ACOXL: variants seen among roughly 807,000 people sequenced by gnomAD.
The protein encoded by ACOXL is acyl-CoA oxidase like.
In ACOXL, 70 loss-of-function variants were observed where a neutral mutation model predicts 71.9. The ratio of observed to expected loss-of-function variants is 0.97; its 90% CI spans 0.80 to 1.19. ACOXL has a LOEUF of 1.19. Among genes scored for constraint, ACOXL ranks in the 50% most tolerant of loss-of-function variants. The probability of loss-of-function intolerance (pLI) is 0.00; values close to 1 mark genes in which losing one functional copy is unlikely to be tolerated. For missense variants in ACOXL, 703 were observed against 736.3 expected (o/e 0.95, Z 0.52); for synonymous variants, 253 against 281.6 (o/e 0.90, Z 1.02).
chr2:110,780,204 T>A (rs922313292), intron 2 of ACOXL, among the ~76,000 whole-genome samples: 2 of 152,224 alleles, frequency 1.3e-5, no homozygotes, highest in African/African-American at 2.4e-5. Context: ...CATATGCAAA[T>A]GTGCTCATAT....
intron 14 of ACOXL, among the ~76,000 whole-genome samples, chr2:110,998,476 A>G (rs1195492506): frequency 6.6e-6 from 1 of 152,236 alleles, no homozygotes; most frequent in East Asian, 1.9e-4. Flanking sequence ...CAGCAAGGCC[A>G]GGAGAGCTGT....
chr2:111,067,910 A>G lies in ACOXL; in HGVS notation c.1440+18622A>G, dbSNP rs148426587. On this transcript the variant is annotated intron_variant, in intron 16 of 17. Coordinates refer to ENST00000439055, the MANE Select transcript of ACOXL (RefSeq NM_001142807.4). ...GGGAAGATAAGCCCTCAGTGTCATA[A>G]GAGGTCAGTGGCCAGGGGCCAGATG... Among the ~76,000 whole-genome samples the G allele has an allele frequency of 6.6e-3, 1,000 of 152,308 alleles. 17 individuals are homozygous for G. The highest frequency in any genetic ancestry group is 0.022 in the African/African-American group (933 of 41,564).
chr2:110,858,353 G>C (rs1232524287), intron 10 of ACOXL, among the ~76,000 whole-genome samples: 1 of 152,164 alleles, frequency 6.6e-6, no homozygotes. Flanking sequence ...CCTACTCCCC[G>C]AGACAGACGT....
chr2:111,039,256 A>G (rs6706577), intron 15 of ACOXL, among the ~76,000 whole-genome samples: 80,889 of 152,090 alleles, frequency 0.53, 21,839 homozygotes, highest in African/African-American at 0.6. Flanking sequence ...ATCAGAGATC[A>G]CAAGTGCCAG....
intron 10 of ACOXL, among the ~76,000 whole-genome samples, chr2:110,872,779 T>G (rs1345708778): frequency 6.6e-6 from 1 of 152,198 alleles, no homozygotes; most frequent in Admixed American, 6.5e-5. Flanking sequence ...ACCTGGATTT[T>G]GGAATCCTTT....
intron 12 of ACOXL, among the ~76,000 whole-genome samples, chr2:110,959,115 C>A (rs1243853030): frequency 6.6e-6 from 1 of 152,224 alleles, no homozygotes; most frequent in African/African-American, 2.4e-5. Context: ...TCTTGCTTGG[C>A]TGAGTGTGAA....
chr2:110,755,607 G>A (rs1422208813), intron 1 of ACOXL, among the ~76,000 whole-genome samples: 4 of 152,214 alleles, frequency 2.6e-5, no homozygotes, highest in South Asian at 2.1e-4. Flanking sequence ...ATGATAAACC[G>A]GTGTTCAAGC....
chr2:110,943,142 G>T (rs2060945136), intron 12 of ACOXL, among the ~76,000 whole-genome samples: 1 of 107,678 alleles, frequency 9.3e-6, no homozygotes. Context: ...AAGGAAAGAA[G>T]GAAGAAAGAG....
chr2:110,860,695 A>G (rs1161876884), intron 10 of ACOXL, among the ~76,000 whole-genome samples: 1 of 152,028 alleles, frequency 6.6e-6, no homozygotes, highest in East Asian at 1.9e-4. Context: ...TCTGGCCAGA[A>G]CTCTATCCAG....
At chr2:111,115,995 AT>A (rs1330336572) in intron 17 of ACOXL, among the ~76,000 whole-genome samples, 1 of 152,138 alleles carries the variant, frequency 6.6e-6, no homozygotes, top group East Asian at 1.9e-4. Flanking sequence ...CCCATACTCT[AT>A]TTTACACTCA....
intron 9 of ACOXL, among the ~76,000 whole-genome samples, chr2:110,835,849 A>G (rs933706038): frequency 5.3e-5 from 8 of 152,106 alleles, no homozygotes; most frequent in Non-Finnish European, 1.2e-4. Flanking sequence ...GGGCCTGATA[A>G]TTTGCATTTC....
chr2:110,952,955 C>T (rs2061378697), intron 12 of ACOXL, among the ~76,000 whole-genome samples: 1 of 151,976 alleles, frequency 6.6e-6, no homozygotes, highest in Non-Finnish European at 1.5e-5. Flanking sequence ...TTTTAATTTC[C>T]ATAGTGACTT....
chr2:110,849,335 C>G (rs933029522), intron 10 of ACOXL, among the ~76,000 whole-genome samples: 1 of 152,180 alleles, frequency 6.6e-6, no homozygotes, highest in Non-Finnish European at 1.5e-5. Context: ...GAAAATGACC[C>G]CTCCCTTACT....
At chr2:111,094,217 C>G (rs775600477) in intron 17 of ACOXL, 2 of 152,128 alleles carry the variant, frequency 1.3e-5, no homozygotes, top group Admixed American at 6.5e-5. Flanking sequence ...CCCTGGAGAA[C>G]CTTGAAGAAC....
intron 10 of ACOXL, among the ~76,000 whole-genome samples, chr2:110,898,686 A>G (rs1304252719): frequency 1.3e-5 from 2 of 152,234 alleles, no homozygotes; most frequent in African/African-American, 4.8e-5. Context: ...GAGTAAGGCA[A>G]CGATGTCTGC....
chr2:110,752,165 C>CA (rs1477372680), intron 1 of ACOXL, among the ~76,000 whole-genome samples: 1 of 152,162 alleles, frequency 6.6e-6, no homozygotes, highest in Non-Finnish European at 1.5e-5. Context: ...TGTGCCACCA[C>CA]ACCTGGCTAA....
intron 17 of ACOXL, among the ~76,000 whole-genome samples, chr2:111,107,236 T>G (rs552725651): frequency 3.3e-4 from 51 of 152,292 alleles, no homozygotes; most frequent in African/African-American, 1.1e-3. Flanking sequence ...TTTTTTTAGC[T>G]CCAGTGTGGG....
At chr2:110,735,827 A>G (rs568723847) in intron 1 of ACOXL, among the ~76,000 whole-genome samples, 2 of 152,338 alleles carry the variant, frequency 1.3e-5, no homozygotes, top group Non-Finnish European at 2.9e-5. Context: ...AACATCTGAA[A>G]TGAGATAAGC....
intron 10 of ACOXL, among the ~76,000 whole-genome samples, chr2:110,890,941 G>A (rs1697857745): frequency 6.6e-6 from 1 of 151,918 alleles, no homozygotes. Context: ...CATTTATTTA[G>A]ACCTTCTTTA....
Sources: allele counts gnomAD v4.1 joint callset (sites outside exome capture counted in the v4.1 genomes callset), GRCh38; gene constraint gnomAD v4.1.1; transcripts MANE v1.5; gene names NCBI Gene and HGNC (gene_info 2026-07-23, HGNC 2026-07-21).